The following ETV6 variants were observed in gnomAD, a reference collection of about 807,000 sequenced individuals.
ETV6 encodes transcription factor ETV6.
Under a neutral mutation model 51.1 loss-of-function variants are expected in ETV6, and 16 were observed. The observed-to-expected ratio is 0.31, with a 90% CI of 0.21 to 0.48. The LOEUF (loss-of-function observed/expected upper bound fraction) is 0.48, where lower values mean the gene tolerates loss of function less well. ETV6 is among the 20% of genes least tolerant of loss of function. The pLI, the probability that ETV6 is intolerant of heterozygous loss-of-function variation, is 0.99. For missense variants in ETV6, 458 were observed against 594.8 expected (o/e 0.77, Z 2.39); for synonymous variants, 240 against 224.1 (o/e 1.07, Z -0.64).
chr12:11,821,360 A>G (rs1946078375), intron 2 of ETV6, among the ~76,000 whole-genome samples: 1 of 151,590 alleles, frequency 6.6e-6, no homozygotes, highest in Non-Finnish European at 1.5e-5. Context: ...AGTGAGACTC[A>G]GTCTCAAAAA....
rs1947282833 is a variant in ETV6, at chr12:11,891,251, G to C, written c.*205G>C. The C allele has an allele frequency of 1.9e-6, 1 of 518,548 alleles. No individual in the cohort carries two copies. The allele number at this position is 518,548 out of a possible 1,614,324, so 32.1% of individuals were successfully genotyped here. On this transcript the variant is annotated 3_prime_UTR_variant, in exon 8 of 8. Transcript: ENST00000396373. ...CAGCACAGGCGGGGCTGGAATTCTG[G>C]CGGAGGGCATGAGCCTGGGACTCCA... is the stretch of plus-strand genomic sequence containing the variant.
At chr12:11,854,156 T>TC (rs1455019966) in intron 4 of ETV6, among the ~76,000 whole-genome samples, 1 of 152,056 alleles carries the variant, frequency 6.6e-6, no homozygotes, top group Non-Finnish European at 1.5e-5. Flanking sequence ...GCCATTAGAT[T>TC]CCCGTAAGGA....
intron 1 of ETV6, among the ~76,000 whole-genome samples, chr12:11,719,133 G>A (rs1472045369): frequency 6.6e-6 from 1 of 152,240 alleles, no homozygotes; most frequent in African/African-American, 2.4e-5. Context: ...CCCTGTTAGT[G>A]AGGCCGCTGG....
chr12:11,836,376 C>T (rs1008314317), intron 2 of ETV6, among the ~76,000 whole-genome samples: 2 of 152,320 alleles, frequency 1.3e-5, no homozygotes, highest in East Asian at 1.9e-4. Flanking sequence ...GAGCAGGTGG[C>T]TTGCTCTGTC....
At chr12:11,751,325 A>T in intron 1 of ETV6, 1 of 518,364 alleles carries the variant, frequency 1.9e-6, no homozygotes, top group Non-Finnish European at 3.9e-6. Flanking sequence ...TAAATGTACG[A>T]TTTTCTTTTG....
At chr12:11,688,191 C>T (rs530062875) in intron 1 of ETV6, among the ~76,000 whole-genome samples, 16 of 152,162 alleles carry the variant, frequency 1.1e-4, no homozygotes, top group Admixed American at 2.0e-4. Flanking sequence ...AGATACCTTA[C>T]GGGCAAAGGA....
intron 1 of ETV6, chr12:11,751,807 G>T (rs1306116095): frequency 2.0e-6 from 1 of 501,706 alleles, no homozygotes; most frequent in Admixed American, 2.0e-5. Context: ...AGAACAAGGA[G>T]ATATTCATTA....
rs1435177242 is a variant in ETV6 at position 11,649,950 on chromosome 12, G to T, written c.-178G>T. On this transcript the variant is annotated 5_prime_UTR_variant, in exon 1 of 8. Transcript: ENST00000396373. ...CCCGCCGCCCCGCGCGCCCAACTCC[G>T]CCGGCCGCCCCGCCCCGCCCCGCGC... 8.0e-6 allele frequency: 3 copies of T among 376,332 alleles called. 1 individual carries two copies. Among genetic ancestry groups the T allele is most frequent in the African/African-American group, 6.4e-5 (3 of 46,720 alleles). 23.3% of individuals were successfully genotyped at this position (376,332 alleles called of 1,614,324 possible).
chr12:11,853,516 A>T lies in ETV6; in HGVS notation c.418A>T (p.Ile140Leu). Residue 140 changes from isoleucine to leucine, a missense_variant, in exon 4 of 8, where the codon ATA becomes TTA. Around this residue, in one of 4 missense-constraint regions of ETV6, gnomAD observed 293 missense variants for 315.7 expected, o/e 0.93. Transcript: ENST00000396373. ...ACCATTCTTCCACCCTGGAAACTCT[A>T]TACACACACAGCCGGAGGTCATACT... ...FSPFFHPGNS[I>L]HTQPEVILHQ... 1.2e-6 allele frequency: 2 copies of T among 1,614,218 alleles called. No homozygotes were observed. The highest frequency in any genetic ancestry group is 1.7e-6 in the Non-Finnish European group (2 of 1,180,042).
chr12:11,849,747 C>T (rs988647571), intron 3 of ETV6, among the ~76,000 whole-genome samples: 1 of 152,200 alleles, frequency 6.6e-6, no homozygotes, highest in African/African-American at 2.4e-5. Flanking sequence ...CAGCCAAAGC[C>T]ACTTCTTTCT....
At chr12:11,824,620 A>G (rs1021041581) in intron 2 of ETV6, among the ~76,000 whole-genome samples, 7 of 152,200 alleles carry the variant, frequency 4.6e-5, no homozygotes, top group Non-Finnish European at 7.3e-5. Flanking sequence ...CTCTACTAAA[A>G]AGACAAAAAT....
intron 1 of ETV6, among the ~76,000 whole-genome samples, chr12:11,657,123 G>A (rs561643257): frequency 1.3e-5 from 2 of 152,214 alleles, no homozygotes; most frequent in East Asian, 1.9e-4. Context: ...GCAAATGTAG[G>A]GAAAGAAACA....
At chr12:11,660,853 A>T (rs1864088471) in intron 1 of ETV6, among the ~76,000 whole-genome samples, 1 of 152,124 alleles carries the variant, frequency 6.6e-6, no homozygotes, top group Admixed American at 6.5e-5. Flanking sequence ...TTGACCTGGG[A>T]TCACAGACCA....
Position 11,860,097 on chromosome 12 carries a change from T to C in ETV6, c.463+6536T>C, listed in dbSNP as rs540033076. ...GAGAGCAGACACACTGGCTGTCACC[T>C]ACCCCCTGAGGAGCCAGCCCCTCAG... On this transcript the variant is annotated intron_variant, in intron 4 of 7. Coordinates refer to ENST00000396373, the MANE Select transcript of ETV6 (RefSeq NM_001987.5). Among the ~76,000 whole-genome samples, 187 of 152,246 alleles carry C rather than the reference T, an allele frequency of 1.2e-3. 1 individual carries two copies. Among genetic ancestry groups the C allele is most frequent in the Non-Finnish European group, 2.0e-3 (137 of 68,012 alleles).
intron 1 of ETV6, among the ~76,000 whole-genome samples, chr12:11,662,489 C>A (rs1320824395): frequency 6.6e-6 from 1 of 152,148 alleles, no homozygotes; most frequent in East Asian, 1.9e-4. Flanking sequence ...TGTGTGCGTT[C>A]GTTGTTAGCC....
intron 3 of ETV6, among the ~76,000 whole-genome samples, chr12:11,842,155 G>A (rs1365528289): frequency 6.6e-6 from 1 of 151,740 alleles, no homozygotes; most frequent in African/African-American, 2.4e-5. Context: ...AGACAAGACT[G>A]CACGTGCTAG....
intron 3 of ETV6, among the ~76,000 whole-genome samples, chr12:11,842,031 G>T (rs1223089630): frequency 6.8e-6 from 1 of 146,984 alleles, no homozygotes; most frequent in Admixed American, 6.8e-5. Flanking sequence ...GCAGTGAGCC[G>T]AGATCCCGCC....
At chr12:11,731,208 G>A (rs569382197) in intron 1 of ETV6, among the ~76,000 whole-genome samples, 1 of 152,358 alleles carries the variant, frequency 6.6e-6, no homozygotes, top group East Asian at 1.9e-4. Flanking sequence ...ATACTGTGAT[G>A]TATGAAATAA....
intron 5 of ETV6, among the ~76,000 whole-genome samples, chr12:11,876,473 TTCAG>T (rs1946985859): frequency 2.0e-5 from 3 of 152,200 alleles, no homozygotes; most frequent in Non-Finnish European, 4.4e-5. Context: ...ACGAACACTT[TTCAG>T]TCAGTTTAGT....
Sources: gnomAD v4.1 joint callset for allele counts (sites outside exome capture counted in the v4.1 genomes callset) on GRCh38, gnomAD v4.1.1 for gene constraint, gnomAD v4.1.1 regional missense constraint, MANE v1.5 for transcripts, NCBI Gene and HGNC (gene_info 2026-07-23, HGNC 2026-07-21) for gene names.